GALNT13: variants seen among roughly 807,000 people sequenced by gnomAD.
GALNT13 encodes UDP-GalNAc:polypeptide N-acetylgalactosaminyltransferase 13.
A neutral mutation model predicts 64.2 loss-of-function variants in GALNT13; 28 were observed. The ratio of observed to expected loss-of-function variants is 0.44; its 90% confidence interval spans 0.32 to 0.60. GALNT13 has a LOEUF of 0.60. Among genes scored for constraint, GALNT13 ranks in the 20% least tolerant of loss-of-function variants. GALNT13 has a pLI of 0.05. For synonymous variants in GALNT13, 214 were observed against 224.6 expected, an observed-to-expected ratio of 0.95 and a Z score of 0.42; for missense variants, 577 against 669.8, an observed-to-expected ratio of 0.86 and a Z score of 1.53.
intron 8 of GALNT13, among the ~76,000 whole-genome samples, chr2:154,300,294 G>A (rs1052026096): frequency 1.3e-5 from 2 of 151,706 alleles, no homozygotes; most frequent in African/African-American, 2.4e-5. Context: ...GTAGAGACGG[G>A]TTTTTGCCAT....
chr2:153,901,071 A>C (rs1182470348), intron 2 of GALNT13, 64 bp downstream of exon 2: 1 of 152,160 alleles, frequency 6.6e-6, no homozygotes, highest in Admixed American at 6.6e-5. Context: ...GCAGACAGTC[A>C]TGAAAGAACC....
At chr2:153,332,299 G>A in the GALNT13 span, among the ~76,000 whole-genome samples, 1 of 152,182 alleles carries the variant, frequency 6.6e-6, no homozygotes, top group East Asian at 1.9e-4. Context: ...ACTTTTCAAG[G>A]TAGACCTTTA....
At chr2:153,415,068 C>T in the GALNT13 span, among the ~76,000 whole-genome samples, 1 of 151,938 alleles carries the variant, frequency 6.6e-6, no homozygotes, top group Admixed American at 6.6e-5. Flanking sequence ...GTCTTGGTTT[C>T]TTAATATGTC....
the GALNT13 span, among the ~76,000 whole-genome samples, chr2:153,504,390 G>C: frequency 6.6e-6 from 1 of 152,152 alleles, no homozygotes; most frequent in Non-Finnish European, 1.5e-5. Context: ...TCTCTTGTCT[G>C]ATGGCTTTGC....
At chr2:153,272,017 A>T in the GALNT13 span, among the ~76,000 whole-genome samples, 19 of 152,336 alleles carry the variant, frequency 1.2e-4, no homozygotes, top group Admixed American at 2.6e-4. Flanking sequence ...GTAATGGGAA[A>T]ATGATTCCCT....
chr2:153,282,961 T>C, the GALNT13 span, among the ~76,000 whole-genome samples: 1 of 152,230 alleles, frequency 6.6e-6, no homozygotes, highest in African/African-American at 2.4e-5. Flanking sequence ...AGGTTTTGTA[T>C]TGGGCTGTAT....
chr2:153,233,938 A>G, the GALNT13 span, among the ~76,000 whole-genome samples: 138 of 152,296 alleles, frequency 9.1e-4, 2 homozygotes, highest in East Asian at 0.025. Context: ...GTTTCTATTT[A>G]ATGTATACAT....
intron 9 of GALNT13, among the ~76,000 whole-genome samples, chr2:154,388,478 G>A (rs1673617788): frequency 7.3e-6 from 1 of 137,748 alleles, no homozygotes; most frequent in Admixed American, 7.1e-5. Flanking sequence ...AGACAAATAT[G>A]GACTATTTCT....
At chr2:153,751,769 T>G in the GALNT13 span, among the ~76,000 whole-genome samples, 2 of 151,956 alleles carry the variant, frequency 1.3e-5, no homozygotes, top group Non-Finnish European at 2.9e-5. Flanking sequence ...GGTCTTGTTT[T>G]TTTTTCATTC....
chr2:153,656,339 TGC>T, the GALNT13 span, among the ~76,000 whole-genome samples: 13 of 141,578 alleles, frequency 9.2e-5, no homozygotes, highest in African/African-American at 3.3e-4. Flanking sequence ...TGTGTGTGTG[TGC>T]GCGCGCACAT....
chr2:153,336,121 CA>C, the GALNT13 span, among the ~76,000 whole-genome samples: 1 of 152,156 alleles, frequency 6.6e-6, no homozygotes, highest in Non-Finnish European at 1.5e-5. Context: ...GATGCCCAGG[CA>C]AAAGTTTGCT....
chr2:154,383,906 T>C (rs1262183508), intron 9 of GALNT13, among the ~76,000 whole-genome samples: 2 of 151,670 alleles, frequency 1.3e-5, no homozygotes, highest in African/African-American at 4.8e-5. Context: ...TACATATATA[T>C]GTGTGTCAGA....
the GALNT13 span, among the ~76,000 whole-genome samples, chr2:153,181,909 A>C: frequency 6.8e-6 from 1 of 148,136 alleles, no homozygotes; most frequent in African/African-American, 2.5e-5. Context: ...ATTATAAATG[A>C]TTATATAAAG....
chr2:154,351,782 C>T (rs1321081767), intron 9 of GALNT13, among the ~76,000 whole-genome samples: 1 of 143,784 alleles, frequency 7.0e-6, no homozygotes, highest in Admixed American at 7.0e-5. Flanking sequence ...TGTATAAGAC[C>T]ATATCGATCT....
intron 4 of GALNT13, among the ~76,000 whole-genome samples, chr2:154,179,824 T>TAAA (rs56303526): frequency 1.6e-5 from 2 of 126,506 alleles, no homozygotes; most frequent in African/African-American, 2.9e-5. Flanking sequence ...TCTTCCATGA[T>TAAA]AAAAAAAAAA....
chr2:153,683,635 C>T, the GALNT13 span, among the ~76,000 whole-genome samples: 2 of 151,602 alleles, frequency 1.3e-5, no homozygotes, highest in African/African-American at 2.4e-5. Flanking sequence ...ATGAGATTAA[C>T]GTGAAGGCTA....
intron 3 of GALNT13, among the ~76,000 whole-genome samples, chr2:154,091,779 C>T (rs2105440863): frequency 6.6e-6 from 1 of 151,822 alleles, no homozygotes; most frequent in Non-Finnish European, 1.5e-5. Context: ...ACTGAAAGGC[C>T]TTTTATTTTT....
intron 4 of GALNT13, among the ~76,000 whole-genome samples, chr2:154,190,275 C>T (rs188921799): frequency 1.8e-4 from 28 of 152,262 alleles, no homozygotes; most frequent in African/African-American, 6.0e-4. Flanking sequence ...GCTGTTGACC[C>T]AACCAATTGT....
intron 11 of GALNT13, among the ~76,000 whole-genome samples, chr2:154,415,059 G>A (rs982444073): frequency 1.3e-5 from 2 of 150,822 alleles, no homozygotes; most frequent in African/African-American, 4.9e-5. Flanking sequence ...CATCTATTCA[G>A]AAGGCTAAGG....
Sources: allele counts gnomAD v4.1 joint callset (sites outside exome capture counted in the v4.1 genomes callset), GRCh38; gene constraint gnomAD v4.1.1; transcripts MANE v1.5; gene names NCBI Gene and HGNC (gene_info 2026-07-23, HGNC 2026-07-21).